Variants in ABI1 observed in about 807,000 individuals in gnomAD.
ABI1 encodes abl interactor 1.
In ABI1, 14 loss-of-function variants were observed where a neutral mutation model predicts 54.6. The observed-to-expected ratio is 0.26, with a 90% CI of 0.17 to 0.40. The LOEUF (loss-of-function observed/expected upper bound fraction) is 0.40. ABI1 is among the 10% of genes least tolerant of loss of function. The probability of loss-of-function intolerance (pLI) is 1.00; values close to 1 mark genes in which losing one functional copy is unlikely to be tolerated. For synonymous variants in ABI1, 194 were observed against 209.3 expected (o/e 0.93, Z 0.63); for missense variants, 443 against 598.3 (o/e 0.74, Z 2.71).
At chr10:26,802,282 T>C (rs1484632157) in intron 2 of ABI1, among the ~76,000 whole-genome samples, 1 of 152,204 alleles carries the variant, frequency 6.6e-6, no homozygotes, top group Non-Finnish European at 1.5e-5. Context: ...TCCCTTGTAG[T>C]CACTAATTTT....
chr10:26,791,521 T>C (rs1843464334), intron 2 of ABI1, among the ~76,000 whole-genome samples: 1 of 152,110 alleles, frequency 6.6e-6, no homozygotes, highest in Admixed American at 6.6e-5. Flanking sequence ...ATTTTAAAGG[T>C]TCTAAATTTA....
intron 2 of ABI1, among the ~76,000 whole-genome samples, chr10:26,779,974 C>T (rs934737883): frequency 1.3e-5 from 2 of 152,128 alleles, no homozygotes; most frequent in Non-Finnish European, 1.5e-5. Context: ...GTCAGTCCTG[C>T]AGCCTTAGAA....
At chr10:26,859,358 T>C (rs2051107961) in intron 1 of ABI1, among the ~76,000 whole-genome samples, 2 of 152,070 alleles carry the variant, frequency 1.3e-5, no homozygotes, top group African/African-American at 4.8e-5. Context: ...CCTCTAAAAA[T>C]AAAGAGGGGA....
chr10:26,749,219 T>C (rs1042878109), intron 10 of ABI1, among the ~76,000 whole-genome samples: 1 of 151,896 alleles, frequency 6.6e-6, no homozygotes, highest in African/African-American at 2.4e-5. Flanking sequence ...TTTAAGGGAC[T>C]GTCCCCAGAT....
chr10:26,777,819 C>T (rs1841605739), intron 2 of ABI1, among the ~76,000 whole-genome samples: 1 of 152,014 alleles, frequency 6.6e-6, no homozygotes, highest in East Asian at 1.9e-4. Context: ...GAAAGTTGTC[C>T]TGGTATGAGT....
At chr10:26,763,749 T>A in intron 7 of ABI1, 1 of 756,038 alleles carries the variant, frequency 1.3e-6, no homozygotes, top group Non-Finnish European at 2.2e-6. Flanking sequence ...GATATTAGAT[T>A]TAATACTTTA....
At chr10:26,770,107 G>C (rs1242723770) in intron 5 of ABI1, 138 bp downstream of exon 5, 1 of 644,466 alleles carries the variant, frequency 1.6e-6, no homozygotes, top group African/African-American at 1.8e-5. Flanking sequence ...AGGAAAATAG[G>C]AATTAAAATG....
At chr10:26,768,247 T>C (rs1223245729) in intron 6 of ABI1, among the ~76,000 whole-genome samples, 1 of 151,676 alleles carries the variant, frequency 6.6e-6, no homozygotes, top group African/African-American at 2.4e-5. Flanking sequence ...TAAAAGAGCA[T>C]TTTAAAACAT....
At chr10:26,859,731 T>C (rs1330833024) in intron 1 of ABI1, among the ~76,000 whole-genome samples, 3 of 152,198 alleles carry the variant, frequency 2.0e-5, no homozygotes. Flanking sequence ...GCTACCTCTG[T>C]TCGTTTCTGT....
intron 2 of ABI1, among the ~76,000 whole-genome samples, chr10:26,790,265 C>T (rs1843242117): frequency 6.6e-6 from 1 of 152,158 alleles, no homozygotes; most frequent in Non-Finnish European, 1.5e-5. Flanking sequence ...TAAAAGCATT[C>T]CTTTTTCTCC....
intron 2 of ABI1, among the ~76,000 whole-genome samples, chr10:26,795,133 G>A (rs1242601577): frequency 2.1e-5 from 3 of 141,360 alleles, no homozygotes; most frequent in African/African-American, 8.1e-5. Context: ...GACAGAGCGA[G>A]ACTGTCTCAA....
chr10:26,811,557 A>T (rs1388119132), intron 2 of ABI1, among the ~76,000 whole-genome samples: 1 of 152,222 alleles, frequency 6.6e-6, no homozygotes, highest in Non-Finnish European at 1.5e-5. Flanking sequence ...ATCAGTCTTA[A>T]AACAGTAAAG....
At chr10:26,842,623 T>C (rs1451262157) in intron 1 of ABI1, among the ~76,000 whole-genome samples, 1 of 152,154 alleles carries the variant, frequency 6.6e-6, no homozygotes, top group Non-Finnish European at 1.5e-5. Context: ...TAGCTATTGA[T>C]ATACCAGTAC....
chr10:26,767,976 GT>G (rs1356592903), intron 6 of ABI1, among the ~76,000 whole-genome samples: 1 of 151,820 alleles, frequency 6.6e-6, no homozygotes, highest in Non-Finnish European at 1.5e-5. Context: ...AGCCTGGGTG[GT>G]AGAAGTTGCA....
intron 6 of ABI1, among the ~76,000 whole-genome samples, chr10:26,766,755 T>C (rs866651306): frequency 1.3e-5 from 2 of 152,192 alleles, no homozygotes; most frequent in Non-Finnish European, 2.9e-5. Flanking sequence ...CTAAAACTGG[T>C]CCATTGCCTG....
chr10:26,829,737 A>C (rs1178061139), intron 1 of ABI1, among the ~76,000 whole-genome samples: 1 of 152,204 alleles, frequency 6.6e-6, no homozygotes, highest in Non-Finnish European at 1.5e-5. Flanking sequence ...AAGACTTCAT[A>C]ACAATATTAA....
intron 8 of ABI1, among the ~76,000 whole-genome samples, chr10:26,758,364 T>C (rs1838623780): frequency 6.6e-6 from 1 of 152,178 alleles, no homozygotes; most frequent in Non-Finnish European, 1.5e-5. Context: ...CCTTTTTGCA[T>C]TGAACATCTT....
intron 7 of ABI1, 89 bp from the exon 8 acceptor site, chr10:26,759,327 G>A: frequency 1.9e-6 from 2 of 1,058,506 alleles, no homozygotes; most frequent in Non-Finnish European, 2.6e-6. Flanking sequence ...GGGGGCCTCA[G>A]TAAGAAATAT....
chr10:26,816,986 T>TTGTGTGTGTGTGTGTGTGTG lies in ABI1; in HGVS notation c.285+6132_285+6151dup, dbSNP rs71403891. Among the ~76,000 whole-genome samples, 891 of 143,846 alleles carry TTGTGTGTGTGTGTGTGTGTG rather than the reference T, an allele frequency of 6.2e-3. 3 individuals are homozygous for TTGTGTGTGTGTGTGTGTGTG. The highest frequency in any genetic ancestry group is 8.8e-3 in the Non-Finnish European group (574 of 65,392). The allele number at this position is 143,846 out of a possible 152,430, so 94.4% of individuals were successfully genotyped here. A position where few individuals can be genotyped will look rare whatever the true frequency, so the allele number is the denominator to read the frequency against. On this transcript the variant is annotated intron_variant, in intron 2 of 10. Coordinates refer to ENST00000376140, the MANE Select transcript of ABI1 (RefSeq NM_001012750.3). ...TTTCCTAAGTAATTTTGCAAAGACT[T>TTGTGTGTGTGTGTGTGTGTG]TGTGTGTGTGTGTGTGTGTGTGTGT...
Sources: allele counts gnomAD v4.1 joint callset (sites outside exome capture counted in the v4.1 genomes callset), GRCh38; gene constraint gnomAD v4.1.1; transcripts MANE v1.5; gene names NCBI Gene and HGNC (gene_info 2026-07-23, HGNC 2026-07-21).